Variants in ZFP64 observed in about 807,000 individuals in gnomAD.
ZFP64 encodes the protein ZFP64 zinc finger protein.
ZFP64 carries 14 observed loss-of-function variants against 51.6 expected under a neutral mutation model. That is an observed-to-expected ratio of 0.27 (90% CI 0.18 to 0.42). The LOEUF is 0.42. Ranked by LOEUF, ZFP64 falls within the 10% of genes least tolerant of loss-of-function variation. The pLI, the probability that ZFP64 is intolerant of heterozygous loss-of-function variation, is 1.00. For synonymous variants in ZFP64, 375 were observed against 361.4 expected (o/e 1.04, Z -0.43); for missense variants, 754 against 906.8 (o/e 0.83, Z 2.16).
intron 5 of ZFP64, among the ~76,000 whole-genome samples, chr20:52,101,712 G>A (rs1415028937): frequency 1.3e-5 from 2 of 151,800 alleles, no homozygotes; most frequent in African/African-American, 4.8e-5. Context: ...CCTGACCTCA[G>A]GGCCTTGCAT....
chr20:52,186,418 A>AT (rs11336316), intron 2 of ZFP64, among the ~76,000 whole-genome samples: 1,656 of 147,594 alleles, frequency 0.011, 30 homozygotes, highest in East Asian at 0.037. Context: ...CAGTTTATAG[A>AT]TTTTTTTTTT....
intron 2 of ZFP64, among the ~76,000 whole-genome samples, chr20:52,168,881 A>G (rs1449887363): frequency 2.0e-5 from 3 of 152,252 alleles, no homozygotes; most frequent in African/African-American, 7.2e-5. Context: ...CACACAATGC[A>G]GCTGAGGTAA....
chr20:52,169,672 C>T (rs566310538), intron 2 of ZFP64, among the ~76,000 whole-genome samples: 10 of 152,278 alleles, frequency 6.6e-5, no homozygotes, highest in Middle Eastern at 6.8e-3. Context: ...AACCCCTTCT[C>T]AGATGTATAA....
At chr20:52,121,005 C>T (rs1053022507) in intron 5 of ZFP64, among the ~76,000 whole-genome samples, 17 of 152,214 alleles carry the variant, frequency 1.1e-4, no homozygotes, top group Middle Eastern at 6.8e-3. Context: ...ATGCTACCCT[C>T]GTAACTGTTT....
At position 52,098,566 on chromosome 20, in the gene ZFP64, ACATCAT is replaced by A. The variant is rs1294431310; in HGVS notation, c.779_784del (p.Asp260_Asp261del). 3.7e-6 allele frequency: 6 copies of A among 1,614,012 alleles called. No homozygotes were observed. In the African/African-American group the frequency reaches 8.0e-5, roughly 22 times the overall value. On this transcript the variant is annotated inframe_deletion, in exon 6 of 9. Transcript: ENST00000361387. ...AGTGGAGAGGCAGTTTGCTTTTGGA[ACATCAT>A]CATCAAGTTCTGAAGCTGAAATTGA... is the stretch of plus-strand genomic sequence containing the variant.
chr20:52,104,043 G>A (rs1431043775), intron 5 of ZFP64, among the ~76,000 whole-genome samples: 6 of 152,230 alleles, frequency 3.9e-5, no homozygotes, highest in South Asian at 2.1e-4. Flanking sequence ...CGCCCGGAAA[G>A]AGCGGGGGAG....
rs755203052 is a variant in ZFP64 at position 52,187,085 on chromosome 20, A to T, written c.47-14T>A. 9.2e-5 allele frequency: 146 copies of T among 1,595,108 alleles called. No individual in the cohort carries two copies. The highest frequency in any genetic ancestry group is 1.2e-4 in the Non-Finnish European group (142 of 1,165,264). ...TGCCACCTGGAACTCCATGGGACAAAGGGAAAGTAACGGATTAATTCCAAA... is the reference window on the plus strand; with the variant it reads ...TGCCACCTGGAACTCCATGGGACAATGGGAAAGTAACGGATTAATTCCAAA... On this transcript the variant is annotated splice_polypyrimidine_tract_variant and intron_variant, in intron 1 of 5. Transcript: ENST00000216923.
At chr20:52,102,107 C>CCAAAAAAAAAAAAAAAAAAAAAA (rs551838560) in intron 5 of ZFP64, among the ~76,000 whole-genome samples, 2 of 63,438 alleles carry the variant, frequency 3.2e-5, no homozygotes, top group African/African-American at 1.4e-4. Context: ...ACTCCATCTC[C>CCAAAAAAAAAAAAAAAAAAAAAA]AAAAAAAAAA....
rs895869833 is a variant in ZFP64 at position 52,153,626 on chromosome 20, C to T, written c.764-198G>A. ...TCCCCGGAACCCAAACCACCACCAC[C>T]GGTATCAAACCCAGAAGAAAAATGG... is the stretch of plus-strand genomic sequence containing the variant. On this transcript the variant is annotated intron_variant, in intron 5 of 5. Transcript: ENST00000216923. The surrounding 1 kb of genome is among the most constrained non-coding windows in gnomAD (Gnocchi z 5.1). 1.3e-5 allele frequency among the ~76,000 whole-genome samples: 2 copies of T among 152,126 alleles called. No individual in the cohort carries two copies. Among genetic ancestry groups the T allele is most frequent in the East Asian group, 3.9e-4 (2 of 5,186 alleles).
At chr20:52,184,367 T>G (rs1568707258) in intron 2 of ZFP64, among the ~76,000 whole-genome samples, 1 of 152,204 alleles carries the variant, frequency 6.6e-6, no homozygotes, top group African/African-American at 2.4e-5. Flanking sequence ...GAGGCATGTG[T>G]GATTTCTCTA....
At chr20:52,097,151 C>T (rs765600471) in intron 7 of ZFP64, 18 of 781,990 alleles carry the variant, frequency 2.3e-5, no homozygotes, top group Non-Finnish European at 2.8e-5. Flanking sequence ...CCTTATTGCT[C>T]TAAGATGACT....
chr20:52,099,484 G>A (rs960694186), intron 5 of ZFP64, among the ~76,000 whole-genome samples: 1 of 152,206 alleles, frequency 6.6e-6, no homozygotes. Context: ...CAAAGACTGA[G>A]AGACTTGAGG....
rs1293937137 is a variant in ZFP64 at position 52,097,261 on chromosome 20, TCATGAGGCA to T, written c.976+103_976+111del. ...CAAGCCCACCCCACTAGACTGAGTT[TCATGAGGCA>T]GATGAGGCAGAGACTGTCCTGTTCA... is the stretch of plus-strand genomic sequence containing the variant. On this transcript the variant is annotated intron_variant, in intron 7 of 8. Transcript: ENST00000361387. 3 of 1,299,128 alleles carry T rather than the reference TCATGAGGCA, an allele frequency of 2.3e-6. No homozygotes were observed. In the Admixed American group the frequency reaches 5.3e-5, roughly 23 times the overall value. 80.5% of individuals were successfully genotyped at this position (1,299,128 alleles called of 1,614,324 possible).
At chr20:52,098,831 G>A (rs572368770) in intron 5 of ZFP64, among the ~76,000 whole-genome samples, 2 of 151,980 alleles carry the variant, frequency 1.3e-5, no homozygotes, top group Non-Finnish European at 2.9e-5. Context: ...GTGAAACCCT[G>A]TCTCTACTAA....
chr20:52,137,436 A>G (rs1339508819), intron 5 of ZFP64, among the ~76,000 whole-genome samples: 1 of 152,184 alleles, frequency 6.6e-6, no homozygotes, highest in Non-Finnish European at 1.5e-5. Flanking sequence ...ACTGAAGAAA[A>G]AAAGATCTTA....
At chr20:52,178,548 C>T (rs1861074228) in intron 2 of ZFP64, among the ~76,000 whole-genome samples, 1 of 152,104 alleles carries the variant, frequency 6.6e-6, no homozygotes, top group Non-Finnish European at 1.5e-5. Context: ...TACTAAATCA[C>T]TCATGTGTTC....
intron 5 of ZFP64, among the ~76,000 whole-genome samples, chr20:52,141,870 G>T (rs1980271080): frequency 6.6e-6 from 1 of 152,190 alleles, no homozygotes; most frequent in Non-Finnish European, 1.5e-5. Context: ...AATCTTTCAT[G>T]AAAAGATTTA....
chr20:52,112,072 A>T (rs1456346862), intron 5 of ZFP64, among the ~76,000 whole-genome samples: 1 of 134,262 alleles, frequency 7.4e-6, no homozygotes, highest in Admixed American at 8.3e-5. Flanking sequence ...ACAGAGCGAG[A>T]CTCTATCTCC....
chr20:52,113,314 A>G (rs1029059320), intron 5 of ZFP64, among the ~76,000 whole-genome samples: 1 of 148,554 alleles, frequency 6.7e-6, no homozygotes, highest in Non-Finnish European at 1.5e-5. Context: ...AGCCTGGATG[A>G]CAGAGCAAGA....
Sources: gnomAD v4.1 joint callset for allele counts (sites outside exome capture counted in the v4.1 genomes callset) on GRCh38, gnomAD v4.1.1 for gene constraint, Gnocchi (gnomAD v3.1) non-coding constraint, MANE v1.5 for transcripts, NCBI Gene and HGNC (gene_info 2026-07-23, HGNC 2026-07-21) for gene names.